The following DAB1 variants were observed in gnomAD, a reference collection of about 807,000 sequenced individuals.
The protein encoded by DAB1 is DAB adaptor protein 1.
In DAB1, 15 loss-of-function variants were observed where a neutral mutation model predicts 64.6. That is an observed-to-expected ratio of 0.23 (90% CI 0.16 to 0.36). The LOEUF (loss-of-function observed/expected upper bound fraction) is 0.36. DAB1 is among the 10% of genes least tolerant of loss of function. The probability of loss-of-function intolerance (pLI) is 1.00; values close to 1 mark genes in which losing one functional copy is unlikely to be tolerated. For synonymous variants in DAB1, 235 were observed against 251.9 expected (o/e 0.93, Z 0.64); for missense variants, 596 against 706.7 (o/e 0.84, Z 1.78).
chr1:58,110,401 TTGA>T (rs1164608935), intron 5 of DAB1, among the ~76,000 whole-genome samples: 1 of 152,200 alleles, frequency 6.6e-6, no homozygotes, highest in Non-Finnish European at 1.5e-5. Flanking sequence ...AATGATATGA[TTGA>T]TGTTAAGGAA....
chr1:57,886,653 A>G, upstream of DAB1, among the ~76,000 whole-genome samples: 1 of 152,122 alleles, frequency 6.6e-6, no homozygotes, highest in Non-Finnish European at 1.5e-5. Flanking sequence ...CACTATTTGC[A>G]TGTCTTCTCT....
intron 3 of DAB1, among the ~76,000 whole-genome samples, chr1:58,428,729 A>G (rs1282361976): frequency 6.6e-6 from 1 of 152,246 alleles, no homozygotes; most frequent in Non-Finnish European, 1.5e-5. Flanking sequence ...GAAAGAGAGG[A>G]AAGTTGATGA....
At chr1:58,376,367 T>C (rs1182830240) in intron 3 of DAB1, among the ~76,000 whole-genome samples, 2 of 137,398 alleles carry the variant, frequency 1.5e-5, no homozygotes, top group East Asian at 2.0e-4. Flanking sequence ...CCAGAGATTC[T>C]GGTATGTTGT....
intron 7 of DAB1, among the ~76,000 whole-genome samples, chr1:57,526,097 C>T (rs1644590002): frequency 6.6e-6 from 1 of 152,044 alleles, no homozygotes; most frequent in Non-Finnish European, 1.5e-5. Flanking sequence ...GCCACCACAC[C>T]CAGCTAATTT....
chr1:58,315,181 T>C (rs952872088), intron 4 of DAB1, among the ~76,000 whole-genome samples: 2 of 152,222 alleles, frequency 1.3e-5, no homozygotes, highest in African/African-American at 4.8e-5. Context: ...CCTTGTCTCA[T>C]TGCACAGGAT....
chr1:57,163,899 C>T (rs1660993654), intron 2 of DAB1, among the ~76,000 whole-genome samples: 1 of 152,048 alleles, frequency 6.6e-6, no homozygotes, highest in South Asian at 2.1e-4. Context: ...CTTAATATTC[C>T]ATTGAAGGCC....
At chr1:57,232,635 G>A (rs987466995) in intron 2 of DAB1, among the ~76,000 whole-genome samples, 5 of 151,988 alleles carry the variant, frequency 3.3e-5, no homozygotes, top group African/African-American at 4.8e-5. Flanking sequence ...GCTAGTAAAT[G>A]GTAATTTCCC....
chr1:58,257,887 A>C (rs910562665), intron 4 of DAB1, among the ~76,000 whole-genome samples: 1 of 152,162 alleles, frequency 6.6e-6, no homozygotes, highest in Non-Finnish European at 1.5e-5. Flanking sequence ...GCTTCTACCG[A>C]GTGACAGGAC....
chr1:58,070,912 C>T (rs1451666237), intron 5 of DAB1, among the ~76,000 whole-genome samples: 2 of 152,188 alleles, frequency 1.3e-5, no homozygotes, highest in African/African-American at 4.8e-5. Context: ...TGTTGAGTGT[C>T]AGGTGCCTGA....
At chr1:57,894,417 T>TAAAGAGGCC (rs1644364197) in intron 5 of DAB1, among the ~76,000 whole-genome samples, 1 of 152,168 alleles carries the variant, frequency 6.6e-6, no homozygotes, top group Non-Finnish European at 1.5e-5. Flanking sequence ...TGGAGGCCTC[T>TAAAGAGGCC]TTAAGGAAGT....
At chr1:58,147,929 T>C (rs1186277265) in intron 5 of DAB1, among the ~76,000 whole-genome samples, 2 of 146,994 alleles carry the variant, frequency 1.4e-5, no homozygotes, top group Non-Finnish European at 3.0e-5. Flanking sequence ...TTTCAATCCA[T>C]ATCTGTATTA....
At chr1:58,315,486 A>G (rs185217888) in intron 4 of DAB1, among the ~76,000 whole-genome samples, 41 of 152,284 alleles carry the variant, frequency 2.7e-4, no homozygotes, top group African/African-American at 7.2e-4. Context: ...AGCAATTTCT[A>G]TGTGCCAGAC....
intron 7 of DAB1, among the ~76,000 whole-genome samples, chr1:57,624,916 G>A (rs370436935): frequency 2.0e-5 from 3 of 152,060 alleles, no homozygotes; most frequent in Admixed American, 6.6e-5. Flanking sequence ...AGTCTATAGC[G>A]TTTTCATTTT....
rs561316127 is a variant in DAB1 at position 57,921,792 on chromosome 1, C to G, written n.388-37630G>C. On this transcript the variant is annotated intron_variant and non_coding_transcript_variant, in intron 5 of 20. Transcript: ENST00000485760. ...TCCTCTGCTTAAAATTGCCCAGTAG[C>G]TTTTTATCTAACGCAGTAACAAAAC... Among the ~76,000 whole-genome samples the G allele has an allele frequency of 2.0e-5, 3 of 152,198 alleles. No homozygotes were observed. In the South Asian group the frequency reaches 6.2e-4, roughly 32 times the overall value.
chr1:57,454,215 G>T (rs1352691270), intron 7 of DAB1, among the ~76,000 whole-genome samples: 1 of 152,006 alleles, frequency 6.6e-6, no homozygotes, highest in African/African-American at 2.4e-5. Flanking sequence ...TCTTGAAAGG[G>T]GAGTTATAAT....
chr1:57,490,978 A>C (rs1644155449), intron 7 of DAB1, among the ~76,000 whole-genome samples: 1 of 152,228 alleles, frequency 6.6e-6, no homozygotes, highest in Non-Finnish European at 1.5e-5. Context: ...TAATAACTTG[A>C]AATGTCTTGC....
chr1:58,195,261 C>T (rs977444435), intron 4 of DAB1, among the ~76,000 whole-genome samples: 19 of 151,916 alleles, frequency 1.3e-4, no homozygotes, highest in African/African-American at 3.4e-4. Flanking sequence ...ATGAATGCAA[C>T]GAGAGATACT....
chr1:57,515,536 G>T (rs1213367056), intron 7 of DAB1, among the ~76,000 whole-genome samples: 1 of 152,204 alleles, frequency 6.6e-6, no homozygotes, highest in Non-Finnish European at 1.5e-5. Flanking sequence ...TTGAAGCAAG[G>T]TATTTATTTC....
intron 6 of DAB1, among the ~76,000 whole-genome samples, chr1:57,702,872 C>A (rs1646923156): frequency 6.6e-6 from 1 of 152,018 alleles, no homozygotes; most frequent in South Asian, 2.1e-4. Flanking sequence ...ATAGAGAAAC[C>A]AGAAATGAGA....
Sources: gnomAD v4.1 joint callset for allele counts (sites outside exome capture counted in the v4.1 genomes callset) on GRCh38, gnomAD v4.1.1 for gene constraint, MANE v1.5 for transcripts, NCBI Gene and HGNC (gene_info 2026-07-23, HGNC 2026-07-21) for gene names.